Variants in MBD5 observed in about 807,000 individuals in gnomAD.
MBD5 encodes methyl-CpG-binding domain protein 5.
MBD5 carries 13 observed loss-of-function variants against 117.3 expected under a neutral mutation model. The observed-to-expected ratio is 0.11, with a 90% CI of 0.07 to 0.18. MBD5 has a LOEUF of 0.18. Among genes scored for constraint, MBD5 ranks in the 10% least tolerant of loss-of-function variants. The probability of loss-of-function intolerance (pLI) is 1.00; values close to 1 mark genes in which losing one functional copy is unlikely to be tolerated. For missense variants in MBD5, 1,879 were observed against 2,093.8 expected (o/e 0.90, Z 2.00); for synonymous variants, 727 against 766.4 (o/e 0.95, Z 0.85).
intron 1 of MBD5, among the ~76,000 whole-genome samples, chr2:148,082,288 A>C (rs1481453295): frequency 6.6e-6 from 1 of 152,032 alleles, no homozygotes; most frequent in Non-Finnish European, 1.5e-5. Flanking sequence ...TCATTTATTC[A>C]GTGTCTTCTG....
chr2:148,150,891 G>A lies in MBD5; in HGVS notation c.-924-27809G>A, dbSNP rs558433759. On this transcript the variant is annotated intron_variant, in intron 1 of 13. Transcript: ENST00000642680. ...ATACAATCATGTCATCTGCAAACAGGGACAATTTGGCTTCCTCTTTTCCTA... is the reference window on the plus strand; with the variant it reads ...ATACAATCATGTCATCTGCAAACAGAGACAATTTGGCTTCCTCTTTTCCTA... 7.4e-3 allele frequency among the ~76,000 whole-genome samples: 1,121 copies of A among 152,130 alleles called. 15 individuals are homozygous for A. The highest frequency in any genetic ancestry group is 0.025 in the African/African-American group (1,053 of 41,462).
At chr2:148,284,091 A>G (rs1701314601) in intron 3 of MBD5, among the ~76,000 whole-genome samples, 1 of 152,216 alleles carries the variant, frequency 6.6e-6, no homozygotes, top group Admixed American at 6.5e-5. Flanking sequence ...CATACTATAT[A>G]TACTATTTTG....
chr2:148,458,967 G>C, intron 5 of MBD5, 96 bp downstream of exon 5: 1 of 960,442 alleles, frequency 1.0e-6, no homozygotes, highest in Non-Finnish European at 1.7e-6. Context: ...TCATATAAAT[G>C]TGAAAAAGTG....
At chr2:148,156,615 G>A (rs1203893857) in intron 1 of MBD5, among the ~76,000 whole-genome samples, 1 of 152,144 alleles carries the variant, frequency 6.6e-6, no homozygotes, top group Non-Finnish European at 1.5e-5. Context: ...TTCTCCACTA[G>A]TGTGAGCTCT....
At chr2:148,176,070 TA>T (rs1413182787) in intron 1 of MBD5, among the ~76,000 whole-genome samples, 6 of 152,132 alleles carry the variant, frequency 3.9e-5, no homozygotes, top group Admixed American at 3.9e-4. Flanking sequence ...TGGTTCTTAT[TA>T]AAAAAGATAA....
At chr2:148,036,731 T>C (rs942761293) in intron 1 of MBD5, among the ~76,000 whole-genome samples, 1 of 152,100 alleles carries the variant, frequency 6.6e-6, no homozygotes. Context: ...ATTTCATTTC[T>C]ATTAAGTGAT....
chr2:148,467,952 A>G lies in MBD5; in HGVS notation c.398-389A>G, dbSNP rs975226932. ...TGCATTCTTAAAAATTCTAAATCCA[A>G]CAAAATAGTAATATCACCATTTCCA... is the stretch of plus-strand genomic sequence containing the variant. On this transcript the variant is annotated intron_variant, in intron 7 of 13. Coordinates refer to ENST00000642680, the MANE Select transcript of MBD5 (RefSeq NM_001378120.1). Among the ~76,000 whole-genome samples the G allele has an allele frequency of 9.8e-5, 15 of 152,292 alleles. No individual in the cohort carries two copies. The South Asian group carries it at 2.5e-3, about 25-fold the overall frequency.
chr2:148,163,125 G>C (rs1698049033), intron 1 of MBD5, among the ~76,000 whole-genome samples: 1 of 152,116 alleles, frequency 6.6e-6, no homozygotes, highest in African/African-American at 2.4e-5. Flanking sequence ...AATTTGACCA[G>C]TTTTGTTTAT....
chr2:148,295,315 A>C (rs952780833), intron 3 of MBD5, among the ~76,000 whole-genome samples: 7 of 152,146 alleles, frequency 4.6e-5, no homozygotes, highest in African/African-American at 1.4e-4. Flanking sequence ...GCCAACTGAA[A>C]TCTATGATTG....
chr2:148,202,674 G>T (rs1440575921), intron 2 of MBD5, among the ~76,000 whole-genome samples: 2 of 152,108 alleles, frequency 1.3e-5, no homozygotes, highest in South Asian at 4.1e-4. Context: ...AACATCTTTG[G>T]AACATATATT....
intron 2 of MBD5, among the ~76,000 whole-genome samples, chr2:148,180,343 C>CAGATAT (rs757856356): frequency 1.9e-5 from 2 of 105,544 alleles, no homozygotes; most frequent in African/African-American, 7.2e-5. Flanking sequence ...AAAAATTATA[C>CAGATAT]ATATATATAT....
intron 2 of MBD5, among the ~76,000 whole-genome samples, chr2:148,194,470 T>G: frequency 5.8e-5 from 1 of 17,380 alleles, no homozygotes; most frequent in South Asian, 2.6e-3. Flanking sequence ...GGGACATGGA[T>G]GAAACTGGAA....
chr2:148,472,224 C>T (rs939446387), intron 8 of MBD5: 1 of 151,870 alleles, frequency 6.6e-6, no homozygotes, highest in Non-Finnish European at 1.5e-5. Context: ...CTTTGTAATA[C>T]ATCTGACCTG....
intron 2 of MBD5, among the ~76,000 whole-genome samples, chr2:148,188,916 G>A (rs1455434675): frequency 2.1e-4 from 32 of 151,852 alleles, no homozygotes; most frequent in African/African-American, 5.1e-4. Flanking sequence ...TGCGCGAGCC[G>A]AAGCAGGGCG....
chr2:148,166,830 T>C (rs1698135240), intron 1 of MBD5, among the ~76,000 whole-genome samples: 2 of 152,182 alleles, frequency 1.3e-5, no homozygotes, highest in African/African-American at 4.8e-5. Context: ...TCTGTATTTC[T>C]TTCTTTTATA....
intron 3 of MBD5, among the ~76,000 whole-genome samples, chr2:148,294,627 C>T (rs945529004): frequency 2.6e-5 from 4 of 151,624 alleles, no homozygotes; most frequent in African/African-American, 9.7e-5. Context: ...CTCAGCCTCC[C>T]GAGTAGCTGA....
At chr2:148,456,895 C>T (rs1281632981) in intron 4 of MBD5, among the ~76,000 whole-genome samples, 9 of 152,114 alleles carry the variant, frequency 5.9e-5, no homozygotes, top group Non-Finnish European at 1.2e-4. Context: ...CCTGAATATA[C>T]GATGGCCTTT....
At chr2:148,372,554 C>A (rs1703883705) in intron 4 of MBD5, among the ~76,000 whole-genome samples, 1 of 151,842 alleles carries the variant, frequency 6.6e-6, no homozygotes, top group African/African-American at 2.4e-5. Context: ...AGGACAGTAA[C>A]CTCATGGTTA....
At chr2:148,428,948 G>T (rs1574414806) in intron 4 of MBD5, among the ~76,000 whole-genome samples, 1 of 152,170 alleles carries the variant, frequency 6.6e-6, no homozygotes, top group East Asian at 1.9e-4. Flanking sequence ...AAGCCTTCAT[G>T]ACCAAAACAC....
Sources: gnomAD v4.1 joint callset for allele counts (sites outside exome capture counted in the v4.1 genomes callset) on GRCh38, gnomAD v4.1.1 for gene constraint, MANE v1.5 for transcripts, NCBI Gene and HGNC (gene_info 2026-07-23, HGNC 2026-07-21) for gene names.